Variants in BACH2 observed in about 807,000 individuals in gnomAD.
BACH2 encodes transcription regulator protein BACH2.
In BACH2, 5 loss-of-function variants were observed where a neutral mutation model predicts 61.8. That is an observed-to-expected ratio of 0.08 (90% CI 0.04 to 0.17). The LOEUF is 0.17. BACH2 is among the 10% of genes least tolerant of loss of function. The pLI, the probability that BACH2 is intolerant of heterozygous loss-of-function variation, is 1.00. For synonymous variants in BACH2, 446 were observed against 440.1 expected, an observed-to-expected ratio of 1.01 and a Z score of -0.17; for missense variants, 824 against 1,091.1, an observed-to-expected ratio of 0.76 and a Z score of 3.45.
chr6:90,104,075 G>T (rs1461261355), intron 4 of BACH2, among the ~76,000 whole-genome samples: 1 of 152,148 alleles, frequency 6.6e-6, no homozygotes, highest in African/African-American at 2.4e-5. Flanking sequence ...AATAAAATCC[G>T]CAGGTATCAA....
chr6:89,955,972 T>C (rs908601467), intron 6 of BACH2, among the ~76,000 whole-genome samples: 5 of 152,092 alleles, frequency 3.3e-5, no homozygotes, highest in African/African-American at 1.2e-4. Flanking sequence ...TGGAATGAAG[T>C]GGCTATAAAT....
At chr6:90,158,852 A>T (rs571123778) in intron 4 of BACH2, among the ~76,000 whole-genome samples, 1 of 152,288 alleles carries the variant, frequency 6.6e-6, no homozygotes, top group South Asian at 2.1e-4. Flanking sequence ...AGCAAATGAA[A>T]ATATGCTTCA....
chr6:89,986,023 T>A (rs1776218117), intron 6 of BACH2, among the ~76,000 whole-genome samples: 1 of 152,200 alleles, frequency 6.6e-6, no homozygotes, highest in Non-Finnish European at 1.5e-5. Context: ...GCCGGACTTG[T>A]AAGGCTTTCT....
chr6:90,205,605 C>G (rs1288873148), intron 4 of BACH2, among the ~76,000 whole-genome samples: 1 of 152,194 alleles, frequency 6.6e-6, no homozygotes, highest in East Asian at 1.9e-4. Context: ...AATCCCTGCT[C>G]CAGCCATACC....
At chr6:90,279,811 C>T (rs1409766553) in intron 1 of BACH2, among the ~76,000 whole-genome samples, 1 of 152,118 alleles carries the variant, frequency 6.6e-6, no homozygotes, top group African/African-American at 2.4e-5. Context: ...AATTTTATGA[C>T]TAGCCCTTTA....
chr6:90,193,569 T>C (rs957593367), intron 4 of BACH2, among the ~76,000 whole-genome samples: 2 of 152,168 alleles, frequency 1.3e-5, no homozygotes, highest in African/African-American at 4.8e-5. Context: ...GGTACTCTGT[T>C]ACAGCAGCCT....
intron 6 of BACH2, among the ~76,000 whole-genome samples, chr6:89,982,890 T>C (rs1198889293): frequency 6.6e-6 from 1 of 152,298 alleles, no homozygotes; most frequent in East Asian, 1.9e-4. Flanking sequence ...TTCTAACAAA[T>C]GTTTTCTTTT....
chr6:90,023,349 G>A (rs1431129529), intron 5 of BACH2, among the ~76,000 whole-genome samples: 1 of 151,972 alleles, frequency 6.6e-6, no homozygotes, highest in Non-Finnish European at 1.5e-5. Flanking sequence ...TCAATAGTGA[G>A]TTATCATAAG....
At chr6:90,192,308 T>G (rs1263648893) in intron 4 of BACH2, among the ~76,000 whole-genome samples, 1 of 151,596 alleles carries the variant, frequency 6.6e-6, no homozygotes, top group Non-Finnish European at 1.5e-5. Context: ...TCGATTCCTT[T>G]TTTTTTTTTT....
chr6:90,019,932 T>C (rs944156361), intron 5 of BACH2, among the ~76,000 whole-genome samples: 1 of 152,210 alleles, frequency 6.6e-6, no homozygotes, highest in African/African-American at 2.4e-5. Context: ...CACATAAACA[T>C]GGGCATCTGC....
At chr6:90,030,075 A>G (rs1430774203) in intron 5 of BACH2, among the ~76,000 whole-genome samples, 1 of 152,172 alleles carries the variant, frequency 6.6e-6, no homozygotes, top group African/African-American at 2.4e-5. Context: ...GCTCTATACA[A>G]TGTGGATCCT....
At chr6:90,215,171 C>G (rs1001138222) in intron 3 of BACH2, among the ~76,000 whole-genome samples, 6 of 152,128 alleles carry the variant, frequency 3.9e-5, no homozygotes, top group African/African-American at 1.4e-4. Flanking sequence ...CCACTATGGC[C>G]TGAGGGCGTT....
intron 3 of BACH2, among the ~76,000 whole-genome samples, chr6:90,214,651 TC>T (rs751137648): frequency 2.6e-5 from 4 of 152,074 alleles, no homozygotes; most frequent in Non-Finnish European, 5.9e-5. Flanking sequence ...TATGCCTTGT[TC>T]CTCTTGAGAA....
intron 5 of BACH2, among the ~76,000 whole-genome samples, chr6:90,022,867 GT>G (rs528886255): frequency 6.6e-6 from 1 of 152,084 alleles, no homozygotes; most frequent in Non-Finnish European, 1.5e-5. Context: ...CCATGCCTAG[GT>G]TATACCCTAG....
intron 4 of BACH2, among the ~76,000 whole-genome samples, chr6:90,198,520 C>T (rs1185156185): frequency 4.2e-4 from 64 of 152,190 alleles, no homozygotes; most frequent in Non-Finnish European, 8.8e-5. Context: ...AACACAAAGT[C>T]CAGCTTTTCT....
At chr6:90,180,779 C>CAATGG (rs1768130900) in intron 4 of BACH2, among the ~76,000 whole-genome samples, 2 of 151,676 alleles carry the variant, frequency 1.3e-5, no homozygotes, top group Non-Finnish European at 2.9e-5. Context: ...CACACCAGTC[C>CAATGG]AATGGAATGG....
intron 3 of BACH2, among the ~76,000 whole-genome samples, chr6:90,249,486 A>C (rs1277462678): frequency 6.6e-6 from 1 of 152,194 alleles, no homozygotes; most frequent in East Asian, 1.9e-4. Flanking sequence ...TATCATAAAA[A>C]CAGGCCAGGC....
intron 4 of BACH2, among the ~76,000 whole-genome samples, chr6:90,182,225 T>C (rs563222164): frequency 1.1e-4 from 16 of 151,678 alleles, no homozygotes; most frequent in Admixed American, 8.5e-4. Flanking sequence ...AAAGACACTT[T>C]TCTCTCTCTC....
chr6:90,025,509 A>G (rs752318457), intron 5 of BACH2, among the ~76,000 whole-genome samples: 2 of 152,102 alleles, frequency 1.3e-5, no homozygotes, highest in African/African-American at 4.8e-5. Context: ...CTTCATGCCT[A>G]TTAGGAGTTA....
Sources: gnomAD v4.1 joint callset for allele counts (sites outside exome capture counted in the v4.1 genomes callset) on GRCh38, gnomAD v4.1.1 for gene constraint, MANE v1.5 for transcripts, NCBI Gene and HGNC (gene_info 2026-07-23, HGNC 2026-07-21) for gene names.